NLRP7: variants seen among roughly 807,000 people sequenced by gnomAD.
The protein encoded by NLRP7 is NACHT, LRR and PYD domains-containing protein 7.
In NLRP7, 72 loss-of-function variants were observed where a neutral mutation model predicts 85.5. The ratio of observed to expected loss-of-function variants is 0.84; its 90% CI spans 0.70 to 1.02. NLRP7 has a LOEUF of 1.02. NLRP7 is among the 50% of genes least tolerant of loss of function. The pLI, the probability that NLRP7 is intolerant of heterozygous loss-of-function variation, is 0.00. For missense variants in NLRP7, 1,243 were observed against 1,219.5 expected (o/e 1.02, Z -0.29); for synonymous variants, 550 against 505.2 (o/e 1.09, Z -1.19).
chr19:54,927,376 C>T (rs1434193177), intron 9 of NLRP7, among the ~76,000 whole-genome samples: 4 of 129,558 alleles, frequency 3.1e-5, no homozygotes, highest in Admixed American at 8.3e-5. Flanking sequence ...AACAAAACTC[C>T]GTCTCAAAAA....
At chr19:54,941,003 C>T (rs1569540980) in exon 3 of NLRP7, 1 of 1,605,812 alleles carries the variant, frequency 6.2e-7, no homozygotes, top group South Asian at 1.1e-5. Context: ...ACCTGTCCGT[C>T]CTCTGTAAAA....
intron 1 of NLRP7, among the ~76,000 whole-genome samples, chr19:54,962,450 T>G (rs1479031159): frequency 6.6e-6 from 1 of 151,048 alleles, no homozygotes; most frequent in Non-Finnish European, 1.5e-5. Flanking sequence ...TGTGTATTTT[T>G]AGTAGAGATG....
exon 10 of NLRP7, chr19:54,923,621 A>C (rs1331577094): frequency 8.4e-7 from 1 of 1,191,932 alleles, no homozygotes; most frequent in Non-Finnish European, 1.2e-6. Flanking sequence ...AACCAGTGTC[A>C]AATCCTACCT....
At chr19:54,930,758 T>C (rs2068642812) in intron 8 of NLRP7, 92 bp from the exon 9 acceptor site, 2 of 1,041,792 alleles carry the variant, frequency 1.9e-6, no homozygotes, top group South Asian at 1.3e-5. Context: ...CTTCCACTTA[T>C]ATACTGGAAT....
chr19:54,940,268 T>C, exon 4 of NLRP7: 1 of 1,614,218 alleles, frequency 6.2e-7, no homozygotes, highest in Non-Finnish European at 8.5e-7. Flanking sequence ...CAGCGTGGTT[T>C]TCCCCACGCC....
intron 9 of NLRP7, 144 bp downstream of exon 10, chr19:54,927,461 C>G: frequency 1.4e-6 from 1 of 740,264 alleles, no homozygotes; most frequent in East Asian, 2.6e-5. Context: ...GAGGCTGAGG[C>G]AGGAGAATTG....
At chr19:54,959,542 G>A (rs1461741994) in intron 1 of NLRP7, among the ~76,000 whole-genome samples, 1 of 151,606 alleles carries the variant, frequency 6.6e-6, no homozygotes. Flanking sequence ...GAGGCAGGTG[G>A]ATCACAAGGT....
At chr19:54,950,296 T>C (rs955207555), upstream of NLRP7, among the ~76,000 whole-genome samples, 1 of 152,012 alleles carries the variant, frequency 6.6e-6, no homozygotes, top group Non-Finnish European at 1.5e-5. Context: ...AAAGGGCGGG[T>C]TGCCCCTCCA....
intron 5 of NLRP7, among the ~76,000 whole-genome samples, chr19:54,937,474 C>T (rs902391939): frequency 8.6e-5 from 13 of 151,870 alleles, no homozygotes; most frequent in African/African-American, 1.5e-4. Flanking sequence ...GGCGCATCAC[C>T]TTAGGTCAGG....
intron 3 of NLRP7, 138 bp downstream of exon 3, chr19:54,940,793 C>T: frequency 4.1e-6 from 3 of 738,866 alleles, no homozygotes; most frequent in Non-Finnish European, 7.3e-6. Context: ...AGCCACTACA[C>T]TCCAGCCTGG....
chr19:54,962,766 AT>A (rs758595850), intron 1 of NLRP7, among the ~76,000 whole-genome samples: 8 of 147,738 alleles, frequency 5.4e-5, no homozygotes, highest in Non-Finnish European at 7.5e-5. Context: ...CGCCCGGCTA[AT>A]TTTTTGTATT....
In NLRP7 at chr19:54,923,792, T is replaced by A. The variant is rs769366019; in HGVS notation, c.2891A>T (p.Asp964Val). The A allele has an allele frequency of 1.9e-6, 3 of 1,614,070 alleles. No individual in the cohort carries two copies. In the East Asian group the frequency reaches 6.7e-5, roughly 36 times the overall value. ...TGCCGTTGCCCCGGAAGCATTGCAA[T>A]CAATAGTCAGCTTGGGATTCTTTTC... Residue 964 changes from aspartate to valine, a missense_variant, in exon 10 of 10, where the codon GAT (aspartate) becomes GTT (valine). By Grantham distance (152) the Asp-to-Val change is radical. This residue lies in a region of NLRP7 where 613 missense variants were observed against 588.4 expected (regional missense o/e 1.04). Coordinates refer to ENST00000340844, the Ensembl canonical transcript of NLRP7.
At chr19:54,924,667 G>A (rs2068358374) in intron 9 of NLRP7, among the ~76,000 whole-genome samples, 1 of 152,080 alleles carries the variant, frequency 6.6e-6, no homozygotes, top group Non-Finnish European at 1.5e-5. Flanking sequence ...GGTGCACGGT[G>A]ACTCACGCCT....
At chr19:54,947,839 C>A, upstream of NLRP7, 1 of 267,566 alleles carries the variant, frequency 3.7e-6, no homozygotes, top group Non-Finnish European at 7.6e-6. Context: ...TGGCTCCCAG[C>A]TTTAAAAACT....
intron 1 of NLRP7, among the ~76,000 whole-genome samples, chr19:54,946,782 G>A (rs1008143010): frequency 6.6e-6 from 1 of 152,086 alleles, no homozygotes; most frequent in African/African-American, 2.4e-5. Context: ...TGGGATTACA[G>A]GCATGCACCA....
At chr19:54,935,488 G>GA (rs932466835) in intron 6 of NLRP7, among the ~76,000 whole-genome samples, 1 of 152,092 alleles carries the variant, frequency 6.6e-6, no homozygotes, top group African/African-American at 2.4e-5. Context: ...TTGAGGTCAG[G>GA]AGTTCGAGAC....
intron 8 of NLRP7, among the ~76,000 whole-genome samples, chr19:54,931,456 G>A (rs901250539): frequency 6.6e-6 from 1 of 151,958 alleles, no homozygotes; most frequent in Admixed American, 6.6e-5. Flanking sequence ...TTGGGAGGCT[G>A]AGGCAGACAG....
chr19:54,952,964 C>T (rs945443753), intron 1 of NLRP7, among the ~76,000 whole-genome samples: 5 of 151,992 alleles, frequency 3.3e-5, no homozygotes, highest in South Asian at 2.1e-4. Flanking sequence ...GGTGAAACCC[C>T]GTCTCTACTG....
chr19:54,942,017 G>A (rs1003515730), intron 1 of NLRP7, among the ~76,000 whole-genome samples: 60 of 152,128 alleles, frequency 3.9e-4, no homozygotes, highest in African/African-American at 1.4e-3. Context: ...ACTTTGGGAG[G>A]CCGAGGCGGA....
Sources: allele counts gnomAD v4.1 joint callset (sites outside exome capture counted in the v4.1 genomes callset), GRCh38; gene constraint gnomAD v4.1.1; regional missense constraint gnomAD v4.1.1; transcripts MANE v1.5; gene names NCBI Gene and HGNC (gene_info 2026-07-23, HGNC 2026-07-21).